The following CDH20 variants were observed in gnomAD, a reference collection of about 807,000 sequenced individuals.
The protein encoded by CDH20 is cadherin 20.
Under a neutral mutation model 74.2 loss-of-function variants are expected in CDH20, and 29 were observed. The observed-to-expected ratio is 0.39, with a 90% CI of 0.29 to 0.53. The LOEUF is 0.53. Among genes scored for constraint, CDH20 ranks in the 20% least tolerant of loss-of-function variants. CDH20 has a pLI of 0.69. For synonymous variants in CDH20, 469 were observed against 405.4 expected (o/e 1.16, Z -1.88); for missense variants, 988 against 1,048.3 (o/e 0.94, Z 0.79).
intron 1 of CDH20, among the ~76,000 whole-genome samples, chr18:61,355,981 T>A (rs936596901): frequency 1.3e-5 from 2 of 152,192 alleles, no homozygotes; most frequent in Non-Finnish European, 1.5e-5. Context: ...TAGTCAAGTC[T>A]CTCTTAATCT....
intron 1 of CDH20, chr18:61,391,843 T>C (rs540317157): frequency 2.6e-5 from 4 of 152,140 alleles, no homozygotes; most frequent in Admixed American, 2.0e-4. Context: ...AGATTCACAA[T>C]ATGTCAAGTG....
intron 2 of CDH20, among the ~76,000 whole-genome samples, chr18:61,497,038 A>G (rs1211385672): frequency 6.6e-6 from 1 of 151,336 alleles, no homozygotes; most frequent in Non-Finnish European, 1.5e-5. Flanking sequence ...TCTACACAAC[A>G]AGAGATGGGC....
chr18:61,403,127 C>T (rs1402758285), intron 1 of CDH20, among the ~76,000 whole-genome samples: 1 of 152,144 alleles, frequency 6.6e-6, no homozygotes, highest in Non-Finnish European at 1.5e-5. Context: ...GCTTTCAATG[C>T]CTTCCTCCTG....
At position 61,411,051 on chromosome 18, in the gene CDH20, T is replaced by A. The variant is rs188349391; in HGVS notation, c.-153+77224T>A. Among the ~76,000 whole-genome samples the A allele has an allele frequency of 1.4e-3, 211 of 148,886 alleles. 2 individuals carry two copies. In the South Asian group the frequency reaches 0.017, roughly 12 times the overall value. Reference sequence around the variant, plus strand: ...CCATCTCTACTAAAAATACAAAAAATTAGCAGGGCGTGGTGGCGGGAGCCT... The same window carrying A: ...CCATCTCTACTAAAAATACAAAAAAATAGCAGGGCGTGGTGGCGGGAGCCT... On this transcript the variant is annotated intron_variant, in intron 1 of 11. Transcript: ENST00000262717.
rs149670822 is a variant in CDH20, at chr18:61,481,122, C to T, written c.-152-9280C>T. On this transcript the variant is annotated intron_variant, in intron 1 of 11. Coordinates refer to ENST00000262717, the MANE Select transcript of CDH20 (RefSeq NM_031891.4). ...GCACCTAGTATGTGCCAAGTACTGC[C>T]CATAGATACATGGATAAAAGATATT... 1.2e-3 allele frequency among the ~76,000 whole-genome samples: 182 copies of T among 152,164 alleles called. 1 individual carries two copies. The highest frequency in any genetic ancestry group is 4.3e-3 in the African/African-American group (180 of 41,512).
intron 10 of CDH20, among the ~76,000 whole-genome samples, chr18:61,549,472 C>A (rs1452740017): frequency 6.6e-6 from 1 of 152,128 alleles, no homozygotes; most frequent in African/African-American, 2.4e-5. Flanking sequence ...ATTTCAGAAG[C>A]ATAAAAGAAA....
At chr18:61,449,103 T>C (rs1436646518) in intron 1 of CDH20, among the ~76,000 whole-genome samples, 1 of 152,186 alleles carries the variant, frequency 6.6e-6, no homozygotes, top group Admixed American at 6.5e-5. Flanking sequence ...ATAGGACTTT[T>C]CTCATTAAAG....
intron 2 of CDH20, among the ~76,000 whole-genome samples, chr18:61,496,076 C>CCCCTCTCTCCTCCCTTCCTCTCT (rs1911133766): frequency 1.3e-4 from 2 of 15,408 alleles, no homozygotes; most frequent in East Asian, 1.1e-3. Context: ...CCTTCCTCTC[C>CCCCTCTCTCCTCCCTTCCTCTCT]CCCCTCTCTC....
intron 1 of CDH20, among the ~76,000 whole-genome samples, chr18:61,477,492 A>G (rs978579473): frequency 1.3e-5 from 2 of 152,224 alleles, no homozygotes; most frequent in African/African-American, 4.8e-5. Context: ...GTGTGGCAAC[A>G]ATGTTAGAAA....
intron 1 of CDH20, among the ~76,000 whole-genome samples, chr18:61,435,784 C>T (rs1206489486): frequency 6.6e-6 from 1 of 151,432 alleles, no homozygotes; most frequent in African/African-American, 2.4e-5. Context: ...AGATTTCAAA[C>T]ACTATATAAT....
At chr18:61,479,442 A>G (rs1236190250) in intron 1 of CDH20, among the ~76,000 whole-genome samples, 1 of 152,190 alleles carries the variant, frequency 6.6e-6, no homozygotes, top group East Asian at 1.9e-4. Flanking sequence ...TTCTTTTTAC[A>G]CATATTCCCA....
At chr18:61,373,403 T>A (rs1388161377) in intron 1 of CDH20, among the ~76,000 whole-genome samples, 2 of 152,052 alleles carry the variant, frequency 1.3e-5, no homozygotes, top group Non-Finnish European at 2.9e-5. Context: ...CTAATGACTA[T>A]TACCCGAGAC....
rs992959389 is a variant in CDH20, at chr18:61,499,643, C to G, written c.541+163C>G. On this transcript the variant is annotated intron_variant, in intron 3 of 11. Coordinates refer to ENST00000262717, the MANE Select transcript of CDH20 (RefSeq NM_031891.4). ...TTATAAAGCAACCAAAAATGACGAC[C>G]AAGCCCTTTGGCTGGCAGGAAGCTA... Among the ~76,000 whole-genome samples the G allele has an allele frequency of 3.3e-5, 5 of 152,268 alleles. No homozygotes were observed. The South Asian group carries it at 1.0e-3, about 32-fold the overall frequency.
At chr18:61,360,670 C>T (rs1361015160) in intron 1 of CDH20, among the ~76,000 whole-genome samples, 11 of 152,098 alleles carry the variant, frequency 7.2e-5, no homozygotes, top group Admixed American at 7.2e-4. Flanking sequence ...GAAGAATAGA[C>T]AATAATTTAC....
rs763381249 is a variant in CDH20 at position 61,507,532 on chromosome 18, T to C, written c.989T>C (p.Phe330Ser). The change falls in exon 6 of 12, where the codon TTC becomes TCC. Residue 330 changes from phenylalanine (F) to serine (S), a missense_variant. Physicochemically the swap from Phe to Ser is radical, Grantham distance 155 (BLOSUM62 -2). Transcript: ENST00000262717. ...DAFDISTDPN[F>S]QVGIITVKKP... ...TTTGACATTAGCACAGATCCCAATT[T>C]CCAAGTTGGTATCATAACTGTGAAG... The C allele has an allele frequency of 1.2e-6, 2 of 1,610,820 alleles. No individual in the cohort carries two copies. The highest frequency in any genetic ancestry group is 4.5e-5 in the East Asian group (2 of 44,802).
intron 1 of CDH20, among the ~76,000 whole-genome samples, chr18:61,428,377 G>GT (rs1913143143): frequency 6.6e-6 from 1 of 152,130 alleles, no homozygotes. Context: ...CATAATGAAT[G>GT]TTTTTTGACA....
chr18:61,381,230 A>T (rs1371888409), intron 1 of CDH20, among the ~76,000 whole-genome samples: 1 of 152,206 alleles, frequency 6.6e-6, no homozygotes, highest in Non-Finnish European at 1.5e-5. Context: ...ATTCTGAAAC[A>T]CACTGAAACT....
chr18:61,468,099 C>T (rs879811588), intron 1 of CDH20, among the ~76,000 whole-genome samples: 1 of 152,172 alleles, frequency 6.6e-6, no homozygotes, highest in Admixed American at 6.5e-5. Flanking sequence ...CAAGTTGTCT[C>T]CCCTGGAGAA....
chr18:61,482,143 G>A, intron 1 of CDH20, among the ~76,000 whole-genome samples: 1 of 152,144 alleles, frequency 6.6e-6, no homozygotes, highest in South Asian at 2.1e-4. Context: ...AGGGAGGGGT[G>A]AGGTGTGCTC....
Sources: allele counts gnomAD v4.1 joint callset (sites outside exome capture counted in the v4.1 genomes callset), GRCh38; gene constraint gnomAD v4.1.1; transcripts MANE v1.5; gene names NCBI Gene and HGNC (gene_info 2026-07-23, HGNC 2026-07-21).